HDAC9: variants seen among roughly 807,000 people sequenced by gnomAD.
The protein encoded by HDAC9 is MEF-2 interacting transcription repressor (MITR) protein.
HDAC9 carries 41 observed loss-of-function variants against 139.4 expected under a neutral mutation model. The observed-to-expected ratio is 0.29, with a 90% CI of 0.23 to 0.38. The LOEUF is 0.38. Ranked by LOEUF, HDAC9 falls within the 10% of genes least tolerant of loss-of-function variation. The pLI, the probability that HDAC9 is intolerant of heterozygous loss-of-function variation, is 1.00. For missense variants in HDAC9, 1,147 were observed against 1,297.0 expected (o/e 0.88, Z 1.78); for synonymous variants, 517 against 476.2 (o/e 1.09, Z -1.12).
intron 2 of HDAC9, among the ~76,000 whole-genome samples, chr7:18,268,469 C>T (rs302180): frequency 1 from 151,523 of 152,130 alleles, 75,459 homozygotes; most frequent in Middle Eastern, 1. Context: ...TTTTCAAGTG[C>T]CAGAGAGGTT....
intron 12 of HDAC9, among the ~76,000 whole-genome samples, chr7:18,689,787 T>G (rs1470304120): frequency 2.0e-5 from 3 of 151,958 alleles, no homozygotes; most frequent in Admixed American, 6.6e-5. Flanking sequence ...ATATTTCTTC[T>G]GTGGCTATGG....
intron 21 of HDAC9, among the ~76,000 whole-genome samples, chr7:18,859,885 A>G (rs2129232513): frequency 7.0e-6 from 1 of 142,486 alleles, no homozygotes; most frequent in East Asian, 2.0e-4. Flanking sequence ...AGAGAGAAAT[A>G]TATATGATTT....
At chr7:18,805,654 G>A (rs1793647934) in intron 17 of HDAC9, among the ~76,000 whole-genome samples, 1 of 152,210 alleles carries the variant, frequency 6.6e-6, no homozygotes, top group Non-Finnish European at 1.5e-5. Context: ...GGCCTGCAAG[G>A]TCAGCCAGTG....
chr7:18,383,497 A>T (rs1024390417), intron 1 of HDAC9, among the ~76,000 whole-genome samples: 2 of 152,194 alleles, frequency 1.3e-5, no homozygotes, highest in Non-Finnish European at 2.9e-5. Context: ...TTCAGAAATG[A>T]TTCTGGGAAA....
At chr7:18,748,382 G>A (rs1269767490) in intron 13 of HDAC9, among the ~76,000 whole-genome samples, 1 of 152,092 alleles carries the variant, frequency 6.6e-6, no homozygotes, top group Non-Finnish European at 1.5e-5. Flanking sequence ...CACTTTAAAT[G>A]CCCCACGATA....
chr7:18,743,963 A>C (rs1787694329), intron 13 of HDAC9, among the ~76,000 whole-genome samples: 1 of 150,066 alleles, frequency 6.7e-6, no homozygotes, highest in African/African-American at 2.5e-5. Context: ...TTTTTTCTTT[A>C]GCAGAGTTTT....
chr7:18,116,971 C>G (rs1784032391), intron 1 of HDAC9, among the ~76,000 whole-genome samples: 1 of 152,180 alleles, frequency 6.6e-6, no homozygotes, highest in Non-Finnish European at 1.5e-5. Context: ...CTTTTTGTTA[C>G]AATCATTCTG....
intron 22 of HDAC9, among the ~76,000 whole-genome samples, chr7:18,895,463 C>T (rs1180519628): frequency 6.6e-6 from 1 of 151,936 alleles, no homozygotes; most frequent in Non-Finnish European, 1.5e-5. Flanking sequence ...GAGGAGGATG[C>T]TTGGAATTGA....
chr7:18,582,704 A>G (rs1360920278), intron 2 of HDAC9, among the ~76,000 whole-genome samples: 1 of 152,220 alleles, frequency 6.6e-6, no homozygotes. Flanking sequence ...AACTCTAGTA[A>G]ATAATACGAC....
intron 23 of HDAC9, among the ~76,000 whole-genome samples, chr7:18,943,178 G>A (rs1313576185): frequency 6.6e-6 from 1 of 152,012 alleles, no homozygotes; most frequent in Non-Finnish European, 1.5e-5. Context: ...CAGACATTAT[G>A]TTGGAAAACT....
At chr7:18,160,837 C>T (rs1283347090) in intron 1 of HDAC9, among the ~76,000 whole-genome samples, 1 of 152,054 alleles carries the variant, frequency 6.6e-6, no homozygotes, top group Non-Finnish European at 1.5e-5. Flanking sequence ...AGGCTGGTCT[C>T]AAACTCCTGA....
intron 13 of HDAC9, among the ~76,000 whole-genome samples, chr7:18,740,364 C>T (rs1297797906): frequency 6.6e-6 from 1 of 152,174 alleles, no homozygotes; most frequent in Non-Finnish European, 1.5e-5. Context: ...TCACAGAAGA[C>T]CTGCAGACCA....
chr7:18,921,593 G>A (rs1261579047), intron 22 of HDAC9, among the ~76,000 whole-genome samples: 1 of 152,156 alleles, frequency 6.6e-6, no homozygotes, highest in Non-Finnish European at 1.5e-5. Context: ...TGCTGGAGAG[G>A]ATGTGGAGAA....
intron 13 of HDAC9, among the ~76,000 whole-genome samples, chr7:18,736,729 C>G (rs1393016690): frequency 4.6e-5 from 7 of 152,176 alleles, no homozygotes; most frequent in Non-Finnish European, 1.5e-5. Context: ...GCTTTGGTAT[C>G]AGGATGAAGC....
At chr7:18,365,649 T>TA (rs397728966) in intron 1 of HDAC9, among the ~76,000 whole-genome samples, 6 of 151,592 alleles carry the variant, frequency 4.0e-5, no homozygotes, top group African/African-American at 1.2e-4. Flanking sequence ...CTTTTTTTTT[T>TA]AATAAAAAAG....
chr7:18,469,627 C>G (rs1182620276), intron 1 of HDAC9, among the ~76,000 whole-genome samples: 1 of 152,072 alleles, frequency 6.6e-6, no homozygotes, highest in Non-Finnish European at 1.5e-5. Context: ...CAAATAGGAC[C>G]TCATGCAAGA....
At chr7:18,508,633 A>G (rs1800515901) in intron 2 of HDAC9, among the ~76,000 whole-genome samples, 1 of 151,322 alleles carries the variant, frequency 6.6e-6, no homozygotes, top group African/African-American at 2.4e-5. Context: ...TGTGCTTAAC[A>G]TTTCTTACCC....
intron 1 of HDAC9, among the ~76,000 whole-genome samples, chr7:18,340,349 C>T (rs974418472): frequency 5.9e-5 from 9 of 151,352 alleles, no homozygotes; most frequent in Admixed American, 4.6e-4. Flanking sequence ...ATGTTTAGAC[C>T]ATATACCTTT....
intron 2 of HDAC9, among the ~76,000 whole-genome samples, chr7:18,565,665 C>T (rs1447277327): frequency 6.6e-6 from 1 of 152,058 alleles, no homozygotes; most frequent in African/African-American, 2.4e-5. Context: ...GTGGGGAATT[C>T]TTTCAGCCAA....
Sources: gnomAD v4.1 joint callset for allele counts (sites outside exome capture counted in the v4.1 genomes callset) on GRCh38, gnomAD v4.1.1 for gene constraint, MANE v1.5 for transcripts, NCBI Gene and HGNC (gene_info 2026-07-23, HGNC 2026-07-21) for gene names.